The following RMDN2 variants were observed in gnomAD, a reference collection of about 807,000 sequenced individuals.
RMDN2 encodes the protein regulator of microtubule dynamics protein 2.
RMDN2 carries 61 observed loss-of-function variants against 52.8 expected under a neutral mutation model. That is an observed-to-expected ratio of 1.16 (90% CI 0.94 to 1.43). The LOEUF (loss-of-function observed/expected upper bound fraction) is 1.43. Among genes scored for constraint, RMDN2 ranks in the 40% most tolerant of loss-of-function variants. RMDN2 has a pLI of 0.00. For missense variants in RMDN2, 592 were observed against 475.3 expected (o/e 1.25, Z -2.28); for synonymous variants, 180 against 153.1 (o/e 1.18, Z -1.30).
At chr2:37,971,126 C>T (rs1671756925) in intron 2 of RMDN2, among the ~76,000 whole-genome samples, 1 of 151,870 alleles carries the variant, frequency 6.6e-6, no homozygotes, top group Non-Finnish European at 1.5e-5. Flanking sequence ...GAAACCATTG[C>T]TTAATCCAAG....
intron 7 of RMDN2, among the ~76,000 whole-genome samples, chr2:37,993,892 G>T (rs74904168): frequency 1.3e-5 from 2 of 152,146 alleles, no homozygotes; most frequent in African/African-American, 4.8e-5. Flanking sequence ...AGATTTAAAA[G>T]CCGTTTACCC....
At chr2:38,036,647 G>C (rs1193846128) in intron 10 of RMDN2, 2 of 151,314 alleles carry the variant, frequency 1.3e-5, no homozygotes, top group East Asian at 3.8e-4. Context: ...TGGGGAACCT[G>C]TTGAAAGCAT....
At chr2:37,924,375 G>GTTTTGT (rs1005780094), upstream of RMDN2, among the ~76,000 whole-genome samples, 4 of 152,186 alleles carry the variant, frequency 2.6e-5, no homozygotes, top group African/African-American at 4.8e-5. Flanking sequence ...TGTATGTACT[G>GTTTTGT]TTTTGTTTTT....
At chr2:37,961,495 G>T (rs373275784) in intron 2 of RMDN2, among the ~76,000 whole-genome samples, 4 of 151,620 alleles carry the variant, frequency 2.6e-5, no homozygotes, top group South Asian at 2.1e-4. Context: ...ATTGATACTT[G>T]TGTATGCTTC....
At chr2:38,044,576 T>A (rs911348029) in intron 10 of RMDN2, among the ~76,000 whole-genome samples, 1 of 152,036 alleles carries the variant, frequency 6.6e-6, no homozygotes, top group Non-Finnish European at 1.5e-5. Flanking sequence ...GTTTTCTTTT[T>A]TTTTTTCCAT....
At chr2:37,951,997 C>G in intron 2 of RMDN2, 3 of 1,612,902 alleles carry the variant, frequency 1.9e-6, no homozygotes, top group Non-Finnish European at 2.5e-6. Context: ...ACAGATCATT[C>G]TCCAATCATG....
In RMDN2 at chr2:37,950,120, A is replaced by T. The variant is rs79169148; in HGVS notation, c.452+20391A>T. 5.5e-3 allele frequency: 1,026 copies of T among 185,350 alleles called. 6 individuals carry two copies. The highest frequency in any genetic ancestry group is 0.023 in the African/African-American group (969 of 42,510). 11.5% of individuals were successfully genotyped at this position (185,350 alleles called of 1,614,324 possible). On this transcript the variant is annotated intron_variant, in intron 2 of 10. Coordinates refer to ENST00000354545, the MANE Select transcript of RMDN2 (RefSeq NM_001170791.3). ...ATTTGCTTTTCCGTATCACTGAAGG[A>T]TGCAAAAATCTGGGGTAAAGAATGT...
intron 10 of RMDN2, among the ~76,000 whole-genome samples, chr2:38,015,064 T>C (rs775316009): frequency 2.6e-5 from 4 of 152,228 alleles, no homozygotes; most frequent in Non-Finnish European, 5.9e-5. Flanking sequence ...AGAGGGCTCA[T>C]TAAAAATACA....
chr2:37,967,964 G>A (rs1441558681), intron 2 of RMDN2, among the ~76,000 whole-genome samples: 2 of 152,180 alleles, frequency 1.3e-5, no homozygotes, highest in African/African-American at 4.8e-5. Flanking sequence ...GATGAATTAT[G>A]TGCTGAGAAA....
chr2:38,031,896 G>C (rs2125275399), intron 10 of RMDN2, among the ~76,000 whole-genome samples: 1 of 152,176 alleles, frequency 6.6e-6, no homozygotes, highest in Middle Eastern at 3.4e-3. Context: ...CTTGCCCAAA[G>C]AAGGAGCCCA....
intron 10 of RMDN2, among the ~76,000 whole-genome samples, chr2:38,014,414 A>G (rs947347687): frequency 7.2e-5 from 11 of 152,284 alleles, no homozygotes; most frequent in South Asian, 6.2e-4. Flanking sequence ...TCTTGGTTGT[A>G]TTGTTTAAAT....
rs573006864 is a variant in RMDN2 at position 38,017,234 on chromosome 2, A to C, written c.1228A>C (p.Arg410=). The C allele has an allele frequency of 3.6e-4, 559 of 1,532,968 alleles. 1 individual carries two copies. The highest frequency in any genetic ancestry group is 1.7e-3 in the South Asian group (138 of 80,590). 95.0% of individuals were successfully genotyped at this position (1,532,968 alleles called of 1,614,324 possible). A position where few individuals can be genotyped will look rare whatever the true frequency, so the allele number is the denominator to read the frequency against. ...EMQKIMTSLK[R] ...GCAAAAAATAATGACTTCCTTGAAGAGGTAAATAAACGAATTTACTCTTCA... is the reference window on the plus strand; with the variant it reads ...GCAAAAAATAATGACTTCCTTGAAGCGGTAAATAAACGAATTTACTCTTCA... Residue 410 remains arginine (R), a synonymous_variant, in exon 11 of 11, where the codon AGG becomes CGG. Transcript: ENST00000354545.
intron 10 of RMDN2, among the ~76,000 whole-genome samples, chr2:38,044,471 C>A (rs1335441764): frequency 6.6e-6 from 1 of 151,886 alleles, no homozygotes; most frequent in Admixed American, 6.6e-5. Context: ...TATCTTCTGC[C>A]CTTTTGTTTC....
intron 10 of RMDN2, among the ~76,000 whole-genome samples, chr2:38,056,311 C>T (rs1681854044): frequency 6.6e-6 from 1 of 152,148 alleles, no homozygotes; most frequent in African/African-American, 2.4e-5. Flanking sequence ...CCCTCATGTC[C>T]ACACAGTCTC....
intron 10 of RMDN2, among the ~76,000 whole-genome samples, chr2:38,016,603 C>G (rs1005507923): frequency 6.6e-6 from 1 of 152,100 alleles, no homozygotes; most frequent in African/African-American, 2.4e-5. Flanking sequence ...GAGAGAAACC[C>G]TATAAATGTA....
At chr2:37,963,573 C>A (rs1184175990) in intron 2 of RMDN2, among the ~76,000 whole-genome samples, 1 of 152,144 alleles carries the variant, frequency 6.6e-6, no homozygotes, top group Non-Finnish European at 1.5e-5. Flanking sequence ...TCTTGCACTG[C>A]CCTTAATCCA....
At chr2:38,061,787 T>G (rs1682063378) in intron 10 of RMDN2, among the ~76,000 whole-genome samples, 1 of 152,220 alleles carries the variant, frequency 6.6e-6, no homozygotes, top group Admixed American at 6.5e-5. Context: ...CCCCAAACAG[T>G]GTCTGCCTAC....
intron 2 of RMDN2, among the ~76,000 whole-genome samples, chr2:37,972,400 AC>A (rs1412660210): frequency 2.0e-5 from 3 of 152,184 alleles, no homozygotes; most frequent in East Asian, 3.8e-4. Context: ...TAAAGCAGGA[AC>A]ATGACTGATA....
chr2:38,037,739 G>C (rs1326134266), intron 10 of RMDN2, among the ~76,000 whole-genome samples: 1 of 152,200 alleles, frequency 6.6e-6, no homozygotes, highest in Non-Finnish European at 1.5e-5. Context: ...AGAAATTCAA[G>C]GAAGGAGACC....
Sources: allele counts gnomAD v4.1 joint callset (sites outside exome capture counted in the v4.1 genomes callset), GRCh38; gene constraint gnomAD v4.1.1; transcripts MANE v1.5; gene names NCBI Gene and HGNC (gene_info 2026-07-23, HGNC 2026-07-21).